Variants in TRAFD1 observed in about 807,000 individuals in gnomAD.
TRAFD1 encodes TRAF-type zinc finger domain containing 1, also known as TRAF-type zinc finger domain-containing protein 1.
A neutral mutation model predicts 65.3 loss-of-function variants in TRAFD1; 38 were observed. That is an observed-to-expected ratio of 0.58 (90% confidence interval 0.45 to 0.76). The LOEUF (loss-of-function observed/expected upper bound fraction) is 0.76, where lower values mean the gene tolerates loss of function less well. Ranked by LOEUF, TRAFD1 falls within the 30% of genes least tolerant of loss-of-function variation. The pLI, the probability that TRAFD1 is intolerant of heterozygous loss-of-function variation, is 0.00. For synonymous variants in TRAFD1, 223 were observed against 257.2 expected (o/e 0.87, Z 1.27); for missense variants, 631 against 712.6 (o/e 0.89, Z 1.30).
At position 112,152,368 on chromosome 12, in the gene TRAFD1, G is replaced by A. The variant is rs540768776; in HGVS notation, c.1620-59G>A. Reference sequence around the variant, plus strand: ...TAGGACTGCTTCCTGTTCCCTCTGAGTTTGTTGACCTTTGCTCAGGGACAC... The same window carrying A: ...TAGGACTGCTTCCTGTTCCCTCTGAATTTGTTGACCTTTGCTCAGGGACAC... On this transcript the variant is annotated intron_variant, in intron 10 of 11. Coordinates refer to ENST00000412615, the MANE Select transcript of TRAFD1 (RefSeq NM_006700.3). This position sits in a 1 kb window ranked among gnomAD's most constrained non-coding sequence, Gnocchi z 5.0. 4 of 1,598,628 alleles carry A rather than the reference G, an allele frequency of 2.5e-6. No individual in the cohort carries two copies. The African/African-American group carries it at 5.3e-5, about 21-fold the overall frequency.
In TRAFD1 at chr12:112,149,499, GT is replaced by G; in HGVS notation, c.1159-247del. On this transcript the variant is annotated intron_variant, in intron 8 of 11. Transcript: ENST00000412615. ...AAACAGAAAAAAAAAAGAAATAAAT[GT>G]TTTTCTGGGCTCCAAGATCAGCCCT... 3 of 348,390 alleles carry G rather than the reference GT, an allele frequency of 8.6e-6. No homozygotes were observed. The South Asian group carries it at 1.3e-4, about 16-fold the overall frequency. The allele number at this position is 348,390 out of a possible 1,614,324, so 21.6% of individuals were successfully genotyped here.
chr12:112,151,129 T>G (rs968954849), intron 9 of TRAFD1, among the ~76,000 whole-genome samples: 2 of 151,280 alleles, frequency 1.3e-5, no homozygotes, highest in African/African-American at 2.4e-5. Flanking sequence ...TCCCAGCTAC[T>G]TGGGAGGCTG....
At chr12:112,141,997 G>A (rs2030100029) in intron 5 of TRAFD1, 92 bp from the exon 6 acceptor site, 2 of 1,427,556 alleles carry the variant, frequency 1.4e-6, no homozygotes, top group Non-Finnish European at 1.9e-6. Flanking sequence ...CCGGATGCCT[G>A]TAAACCTTGA....
chr12:112,141,337 G>GT, intron 5 of TRAFD1, 113 bp downstream of exon 5: 1 of 1,230,722 alleles, frequency 8.1e-7, no homozygotes, highest in East Asian at 2.4e-5. Flanking sequence ...CTGTAGCTGA[G>GT]TAACACTGGG....
Position 112,137,410 on chromosome 12 carries a change from A to G in TRAFD1, c.237+2344A>G, listed in dbSNP as rs1039077619. Among the ~76,000 whole-genome samples the G allele has an allele frequency of 4.6e-5, 7 of 152,220 alleles. No homozygotes were observed. Among genetic ancestry groups the G allele is most frequent in the Non-Finnish European group, 8.8e-5 (6 of 68,038 alleles). On this transcript the variant is annotated intron_variant, in intron 4 of 11. Transcript: ENST00000412615. The surrounding 1 kb of genome is among the most constrained non-coding windows in gnomAD (Gnocchi z 4.2). Reference sequence around the variant, plus strand: ...TTGCTGGCAGAAGGGCTGTGTCTACAGCCCATGTGGAACCAAGGACAGTTT... The same window carrying G: ...TTGCTGGCAGAAGGGCTGTGTCTACGGCCCATGTGGAACCAAGGACAGTTT...
rs746346119 is a variant in TRAFD1, at chr12:112,130,607, G to T, written c.47+38G>T. ...ATCTAAGAAATGTTAGTGGAATGAG[G>T]ACAGTCAAGCTTAATCACTATCATT... On this transcript the variant is annotated intron_variant, in intron 2 of 11. Transcript: ENST00000412615. This position sits in a 1 kb window ranked among gnomAD's most constrained non-coding sequence, Gnocchi z 4.4. 8 of 1,575,250 alleles carry T rather than the reference G, an allele frequency of 5.1e-6. No individual in the cohort carries two copies. The Admixed American group carries it at 1.2e-4, about 23-fold the overall frequency.
intron 4 of TRAFD1, among the ~76,000 whole-genome samples, chr12:112,139,315 A>G (rs2136974347): frequency 6.6e-6 from 1 of 152,190 alleles, no homozygotes; most frequent in Non-Finnish European, 1.5e-5. Flanking sequence ...GTACCACTGC[A>G]CTCCAGCCTG....
At position 112,153,410 on chromosome 12, in the gene TRAFD1, TC is replaced by T. The variant is rs1346236342; in HGVS notation, c.*620del. The T allele has an allele frequency of 6.6e-6, 1 of 152,288 alleles. No homozygotes were observed. Among genetic ancestry groups the T allele is most frequent in the Admixed American group, 6.5e-5 (1 of 15,282 alleles). The allele number at this position is 152,288 out of a possible 1,614,324, so 9.4% of individuals were successfully genotyped here. ...CCTTCTGTTCCCGGGGGAGCATGGATCTTTTGTCCTCACTGCTTTCTAATGG... is the reference window on the plus strand; with the variant it reads ...CCTTCTGTTCCCGGGGGAGCATGGATTTTTGTCCTCACTGCTTTCTAATGG... On this transcript the variant is annotated 3_prime_UTR_variant, in exon 12 of 12. Transcript: ENST00000412615.
intron 1 of TRAFD1, among the ~76,000 whole-genome samples, chr12:112,129,193 ATTTTTTTTTTTTTT>A (rs56949881): frequency 2.5e-5 from 2 of 81,360 alleles, no homozygotes; most frequent in Non-Finnish European, 4.3e-5. Context: ...TGGGATGGTG[ATTTTTTTTTTTTTT>A]TTTTTTTTTT....
Position 112,142,085 on chromosome 12 carries a change from T to A in TRAFD1, c.644-4T>A. The stretch of plus-strand genomic sequence containing the variant: ...CTGAATGTTGGTTGGTTTTTTTTTT[T>A]CAGTTGAAGAACAAGAGAGGCAGGA... On this transcript the variant is annotated splice_region_variant and splice_polypyrimidine_tract_variant and intron_variant, in intron 5 of 11. Coordinates refer to ENST00000412615, the MANE Select transcript of TRAFD1 (RefSeq NM_006700.3). 6.2e-7 allele frequency: 1 copy of A among 1,611,488 alleles called. No individual in the cohort carries two copies. The highest frequency in any genetic ancestry group is 8.5e-7 in the Non-Finnish European group (1 of 1,178,500).
At chr12:112,148,349 C>A in intron 8 of TRAFD1, 45 bp downstream of exon 8, 3 of 1,528,392 alleles carry the variant, frequency 2.0e-6, no homozygotes, top group Non-Finnish European at 2.7e-6. Flanking sequence ...TGTGCGTGAA[C>A]CTGAGGCTTC....
intron 2 of TRAFD1, among the ~76,000 whole-genome samples, chr12:112,132,669 C>T (rs2079572073): frequency 6.6e-6 from 1 of 152,164 alleles, no homozygotes; most frequent in Non-Finnish European, 1.5e-5. Context: ...GATAATTCCA[C>T]CACTGGATGA....
intron 2 of TRAFD1, among the ~76,000 whole-genome samples, chr12:112,134,106 G>A (rs553747589): frequency 6.6e-6 from 1 of 150,462 alleles, no homozygotes; most frequent in East Asian, 1.9e-4. Context: ...CGCCTCCCGG[G>A]TTCAAGCGAT....
intron 4 of TRAFD1, among the ~76,000 whole-genome samples, chr12:112,136,040 A>G (rs2079598870): frequency 6.6e-6 from 1 of 151,168 alleles, no homozygotes; most frequent in African/African-American, 2.4e-5. Context: ...GAGGCACGAG[A>G]ATCGCTTGAA....
chr12:112,146,226 A>C (rs1376117795), intron 7 of TRAFD1, among the ~76,000 whole-genome samples: 7 of 84,242 alleles, frequency 8.3e-5, no homozygotes, highest in African/African-American at 4.0e-4. Context: ...AAATAACAGC[A>C]AAAAAAAAAA....
intron 4 of TRAFD1, among the ~76,000 whole-genome samples, chr12:112,139,327 G>A (rs1265526247): frequency 6.6e-6 from 1 of 151,940 alleles, no homozygotes; most frequent in Non-Finnish European, 1.5e-5. Flanking sequence ...TCCAGCCTGG[G>A]TGACACTGAG....
rs570672244 is a variant in TRAFD1, at chr12:112,153,597, G to A, written c.*806G>A. ...TGTAATAGAAATAAAGTTTGTACTT[G>A]GAGTTCAGCTCAGTCTTGTGGTTCC... On this transcript the variant is annotated 3_prime_UTR_variant, in exon 12 of 12. Coordinates refer to ENST00000412615, the MANE Select transcript of TRAFD1 (RefSeq NM_006700.3). The A allele has an allele frequency of 6.6e-6, 1 of 152,290 alleles. No individual in the cohort carries two copies. Among genetic ancestry groups the A allele is most frequent in the African/African-American group, 2.4e-5 (1 of 41,538 alleles). The allele number at this position is 152,290 out of a possible 1,614,324, so 9.4% of individuals were successfully genotyped here. A position where few individuals can be genotyped will look rare whatever the true frequency, so the allele number is the denominator to read the frequency against.
Position 112,152,285 on chromosome 12 carries a change from C to G in TRAFD1, c.1620-142C>G. 7.0e-7 allele frequency: 1 copy of G among 1,421,718 alleles called. No homozygotes were observed. Among genetic ancestry groups the G allele is most frequent in the South Asian group, 1.3e-5 (1 of 77,278 alleles). 88.1% of individuals were successfully genotyped at this position (1,421,718 alleles called of 1,614,324 possible). A position where few individuals can be genotyped will look rare whatever the true frequency, so the allele number is the denominator to read the frequency against. ...GTATGGATTTTCCCTGTATTGTCACCTGACTCCAAAAAAATTATTTTGTGG... is the reference window on the plus strand; with the variant it reads ...GTATGGATTTTCCCTGTATTGTCACGTGACTCCAAAAAAATTATTTTGTGG... On this transcript the variant is annotated intron_variant, in intron 10 of 11. Transcript: ENST00000412615. This position sits in a 1 kb window ranked among gnomAD's most constrained non-coding sequence, Gnocchi z 5.0.
In TRAFD1 at chr12:112,148,169, C is replaced by T. The variant is rs533905517; in HGVS notation, c.1023C>T (p.Phe341=). The T allele has an allele frequency of 6.2e-7, 1 of 1,614,240 alleles. No individual in the cohort carries two copies. Among genetic ancestry groups the T allele is most frequent in the South Asian group, 1.1e-5 (1 of 91,088 alleles). ...VEEPDVIFQN[F]LQQAASNQLD... The stretch of plus-strand genomic sequence containing the variant: ...AACCTGATGTCATCTTCCAGAACTT[C>T]TTGCAACAGGCTGCAAGTAACCAGT... The change falls in exon 8 of 12, where the codon TTC becomes TTT. Residue 341 remains phenylalanine (F), a synonymous_variant. Transcript: ENST00000412615.
Sources: gnomAD v4.1 joint callset for allele counts (sites outside exome capture counted in the v4.1 genomes callset) on GRCh38, gnomAD v4.1.1 for gene constraint, Gnocchi (gnomAD v3.1) non-coding constraint, MANE v1.5 for transcripts, NCBI Gene and HGNC (gene_info 2026-07-23, HGNC 2026-07-21) for gene names.